RAP1GAP2: variants seen among roughly 807,000 people sequenced by gnomAD.
RAP1GAP2 encodes the protein RAP1 GTPase activating protein 2.
In RAP1GAP2, 27 loss-of-function variants were observed where a neutral mutation model predicts 95.0. That is an observed-to-expected ratio of 0.28 (90% CI 0.21 to 0.39). RAP1GAP2 has a LOEUF of 0.39. Ranked by LOEUF, RAP1GAP2 falls within the 10% of genes least tolerant of loss-of-function variation. The probability of loss-of-function intolerance (pLI) is 1.00; values close to 1 mark genes in which losing one functional copy is unlikely to be tolerated. For synonymous variants in RAP1GAP2, 373 were observed against 380.9 expected (o/e 0.98, Z 0.24); for missense variants, 771 against 970.0 (o/e 0.79, Z 2.72).
chr17:2,881,701 C>T (rs2073298757), intron 2 of RAP1GAP2, among the ~76,000 whole-genome samples: 1 of 152,196 alleles, frequency 6.6e-6, no homozygotes. Context: ...GGAGCGTCCA[C>T]ACTTTTCAAC....
At chr17:2,832,557 CA>C (rs35663343) in intron 2 of RAP1GAP2, among the ~76,000 whole-genome samples, 28,906 of 76,574 alleles carry the variant, frequency 0.38, 2,854 homozygotes, top group Non-Finnish European at 0.41. Context: ...GACTCCATCT[CA>C]AAAAAAAAAA....
At chr17:2,893,803 C>T (rs1030610292) in intron 2 of RAP1GAP2, among the ~76,000 whole-genome samples, 12 of 152,102 alleles carry the variant, frequency 7.9e-5, no homozygotes, top group Admixed American at 3.3e-4. Flanking sequence ...TGACGGAGTG[C>T]GTTTGAAGGG....
rs1009698779 is a variant in RAP1GAP2, at chr17:2,911,820, T to C, written c.165+6452T>C. On this transcript the variant is annotated intron_variant, in intron 3 of 24. Coordinates refer to ENST00000254695, the MANE Select transcript of RAP1GAP2 (RefSeq NM_015085.5). Reference sequence around the variant, plus strand: ...CGTGAAGTAAAGGGGTTGATTCTCCTGATTCTCTCGACGCTCATGGGAAGG... The same window carrying C: ...CGTGAAGTAAAGGGGTTGATTCTCCCGATTCTCTCGACGCTCATGGGAAGG... 1.3e-5 allele frequency among the ~76,000 whole-genome samples: 2 copies of C among 152,164 alleles called. 1 individual carries two copies. Among genetic ancestry groups the C allele is most frequent in the Non-Finnish European group, 2.9e-5 (2 of 68,026 alleles).
intron 2 of RAP1GAP2, among the ~76,000 whole-genome samples, chr17:2,869,672 A>C (rs1248519310): frequency 6.6e-6 from 1 of 152,104 alleles, no homozygotes; most frequent in Non-Finnish European, 1.5e-5. Context: ...TGTCCTGCCC[A>C]AGCTCACACC....
chr17:2,927,366 G>A (rs887906628), intron 3 of RAP1GAP2, among the ~76,000 whole-genome samples: 4 of 151,494 alleles, frequency 2.6e-5, no homozygotes, highest in East Asian at 2.0e-4. Flanking sequence ...TGTTAGCCAG[G>A]ATGGTCTCGA....
intron 2 of RAP1GAP2, among the ~76,000 whole-genome samples, chr17:2,873,474 CAAAAAAAAAAAAAAAAA>C (rs71153308): frequency 3.5e-4 from 4 of 11,398 alleles, no homozygotes; most frequent in East Asian, 2.6e-3. Context: ...GACCCTGTCT[CAAAAAAAAAAAAAAAAA>C]AAAAAAAAAA....
intron 14 of RAP1GAP2, among the ~76,000 whole-genome samples, chr17:2,999,307 G>T (rs938561529): frequency 6.6e-6 from 1 of 152,186 alleles, no homozygotes; most frequent in African/African-American, 2.4e-5. Context: ...ACTCAAGGGC[G>T]TTGGACTGAG....
Position 2,965,370 on chromosome 17 carries a change from T to C in RAP1GAP2, c.493-170T>C. 1.6e-6 allele frequency: 1 copy of C among 614,034 alleles called. No homozygotes were observed. The highest frequency in any genetic ancestry group is 2.9e-6 in the Non-Finnish European group (1 of 346,440). The allele number at this position is 614,034 out of a possible 1,614,324, so 38.0% of individuals were successfully genotyped here. On this transcript the variant is annotated intron_variant, in intron 7 of 24. Coordinates refer to ENST00000254695, the MANE Select transcript of RAP1GAP2 (RefSeq NM_015085.5). This position sits in a 1 kb window ranked among gnomAD's most constrained non-coding sequence, Gnocchi z 4.7. Reference sequence around the variant, plus strand: ...AGCCCCTGGCACGGTGCCTGGCGCCTCCTGAGGATCCGGCCGTCGGTACCT... The same window carrying C: ...AGCCCCTGGCACGGTGCCTGGCGCCCCCTGAGGATCCGGCCGTCGGTACCT...
rs1390271246 is a variant in RAP1GAP2, at chr17:3,008,653, G to T, written c.1494+508G>T. Reference sequence around the variant, plus strand: ...CTATAGGCAAGTCCCTTTGGACTTTGCCAAGGGAAAAAAACTAACTAGAAG... The same window carrying T: ...CTATAGGCAAGTCCCTTTGGACTTTTCCAAGGGAAAAAAACTAACTAGAAG... On this transcript the variant is annotated intron_variant, in intron 17 of 24. Transcript: ENST00000254695. This position sits in a 1 kb window ranked among gnomAD's most constrained non-coding sequence, Gnocchi z 4.2. Among the ~76,000 whole-genome samples, 6 of 152,204 alleles carry T rather than the reference G, an allele frequency of 3.9e-5. No individual in the cohort carries two copies. The highest frequency in any genetic ancestry group is 8.8e-5 in the Non-Finnish European group (6 of 68,034).
At chr17:2,982,378 C>G (rs571819378) in intron 10 of RAP1GAP2, among the ~76,000 whole-genome samples, 1 of 152,294 alleles carries the variant, frequency 6.6e-6, no homozygotes, top group African/African-American at 2.4e-5. Flanking sequence ...CTCAGGTGAT[C>G]TGCCCTCCTT....
chr17:2,984,918 G>A (rs12943691), intron 10 of RAP1GAP2, 65 bp from the exon 11 acceptor site: 254,288 of 1,590,944 alleles, frequency 0.16, 21,960 homozygotes, highest in Middle Eastern at 0.22. Flanking sequence ...CCCCTGCCAT[G>A]TGCTTCCTCA....
intron 14 of RAP1GAP2, among the ~76,000 whole-genome samples, chr17:2,999,148 C>T (rs983091568): frequency 2.6e-5 from 4 of 152,154 alleles, no homozygotes; most frequent in Non-Finnish European, 5.9e-5. Context: ...CAGATGACAG[C>T]GAGACAGGGC....
At chr17:2,950,895 G>A (rs55953027) in intron 3 of RAP1GAP2, among the ~76,000 whole-genome samples, 14,978 of 152,178 alleles carry the variant, frequency 0.098, 786 homozygotes, top group South Asian at 0.16. Context: ...ATAGGCGTGA[G>A]CCACCGCGCC....
At chr17:2,872,749 G>A (rs2072901023) in intron 2 of RAP1GAP2, among the ~76,000 whole-genome samples, 1 of 151,578 alleles carries the variant, frequency 6.6e-6, no homozygotes, top group Non-Finnish European at 1.5e-5. Flanking sequence ...AGAGTGCAGT[G>A]GTGTGAACAC....
In RAP1GAP2 at chr17:2,867,235, T is replaced by A. The variant is rs920103970; in HGVS notation, c.81-38049T>A. ...CATTTAGCTGATTTAGTCAAGAAAC[T>A]TTTGGTTTGAAGTGGCAAGCCCCAA... is the stretch of plus-strand genomic sequence containing the variant. On this transcript the variant is annotated intron_variant, in intron 2 of 24. Coordinates refer to ENST00000254695, the MANE Select transcript of RAP1GAP2 (RefSeq NM_015085.5). The surrounding 1 kb of genome is among the most constrained non-coding windows in gnomAD (Gnocchi z 4.5). Among the ~76,000 whole-genome samples, 1 of 152,158 alleles carries A rather than the reference T, an allele frequency of 6.6e-6. No individual in the cohort carries two copies. Among genetic ancestry groups the A allele is most frequent in the African/African-American group, 2.4e-5 (1 of 41,452 alleles).
intron 2 of RAP1GAP2, among the ~76,000 whole-genome samples, chr17:2,801,679 C>T (rs981663837): frequency 6.8e-6 from 1 of 146,228 alleles, no homozygotes; most frequent in Non-Finnish European, 1.5e-5. Flanking sequence ...TCATTTGTTG[C>T]CAGGTATGTC....
chr17:2,981,175 GTCT>G lies in RAP1GAP2; in HGVS notation c.676-13_676-11del, dbSNP rs549375276. ...TCTACAGATATCATCCCTGACCTGC[GTCT>G]TCTTCTCCCTTCTCAGGCTTTCTGT... is the stretch of plus-strand genomic sequence containing the variant. On this transcript the variant is annotated splice_polypyrimidine_tract_variant and intron_variant, in intron 9 of 24. Transcript: ENST00000254695. 8.3e-3 allele frequency: 13,294 copies of G among 1,609,522 alleles called. 87 individuals carry two copies. Among genetic ancestry groups the G allele is most frequent in the Admixed American group, 0.017 (989 of 59,636 alleles).
At chr17:3,023,810 C>T (rs546786236) in intron 19 of RAP1GAP2, among the ~76,000 whole-genome samples, 2 of 152,114 alleles carry the variant, frequency 1.3e-5, no homozygotes, top group Non-Finnish European at 2.9e-5. Flanking sequence ...CCCCTTACCC[C>T]CAACCCCCCG....
At chr17:2,791,082 G>A (rs2068912715) in intron 1 of RAP1GAP2, among the ~76,000 whole-genome samples, 1 of 152,262 alleles carries the variant, frequency 6.6e-6, no homozygotes, top group Non-Finnish European at 1.5e-5. Context: ...GCAGGTGCCT[G>A]TAATCCCAGC....
Sources: gnomAD v4.1 joint callset for allele counts (sites outside exome capture counted in the v4.1 genomes callset) on GRCh38, gnomAD v4.1.1 for gene constraint, Gnocchi (gnomAD v3.1) non-coding constraint, MANE v1.5 for transcripts, NCBI Gene and HGNC (gene_info 2026-07-23, HGNC 2026-07-21) for gene names.